FRMPD4: variants seen among roughly 807,000 people sequenced by gnomAD.
The protein encoded by FRMPD4 is FERM and PDZ domain-containing protein 4.
In FRMPD4, 22 loss-of-function variants were observed where a neutral mutation model predicts 94.1. That is an observed-to-expected ratio of 0.23 (90% CI 0.17 to 0.33). The LOEUF (loss-of-function observed/expected upper bound fraction) is 0.33, where lower values mean the gene tolerates loss of function less well. Among genes scored for constraint, FRMPD4 ranks in the 10% least tolerant of loss-of-function variants. The pLI, the probability that FRMPD4 is intolerant of heterozygous loss-of-function variation, is 1.00. For synonymous variants in FRMPD4, 631 were observed against 548.6 expected, an observed-to-expected ratio of 1.15 and a Z score of -2.10; for missense variants, 1,111 against 1,339.9, an observed-to-expected ratio of 0.83 and a Z score of 2.67.
intron 1 of FRMPD4, among the ~76,000 whole-genome samples, chrX:12,490,977 A>G (rs1034642547): frequency 2.7e-5 from 3 of 111,083 alleles, no homozygotes; most frequent in Non-Finnish European, 5.7e-5. Flanking sequence ...GACAAAATGT[A>G]TGCTCCTTTC....
Position 12,553,434 on chromosome X carries a change from C to CTATATATATATA in FRMPD4, c.158+54660_158+54671dup, listed in dbSNP as rs3066486. On this transcript the variant is annotated intron_variant, in intron 2 of 16. Coordinates refer to ENST00000675598, the MANE Select transcript of FRMPD4 (RefSeq NM_001368397.1). The stretch of plus-strand genomic sequence containing the variant: ...AGTTTTGTGAGATCTATCCATATGC[C>CTATATATATATA]TATATATATATATATATATATATAT... Among the ~76,000 whole-genome samples, 74 of 39,621 alleles carry CTATATATATATA rather than the reference C, an allele frequency of 1.9e-3. 2 individuals are homozygous for CTATATATATATA. Among genetic ancestry groups the CTATATATATATA allele is most frequent in the African/African-American group, 5.3e-3 (51 of 9,611 alleles). 34.4% of individuals were successfully genotyped at this position (39,621 alleles called of 115,157 possible). A position where few individuals can be genotyped will look rare whatever the true frequency, so the allele number is the denominator to read the frequency against.
chrX:11,942,228 C>CTTTT (rs560019319), intron 3 of FRMPD4, among the ~76,000 whole-genome samples: 1 of 79,162 alleles, frequency 1.3e-5, no homozygotes, highest in African/African-American at 4.5e-5. Flanking sequence ...TTTTTCTTTC[C>CTTTT]TTTTTTTTTT....
At chrX:12,038,570 T>C (rs1002803937) in intron 3 of FRMPD4, among the ~76,000 whole-genome samples, 11 of 112,028 alleles carry the variant, frequency 9.8e-5, no homozygotes, top group African/African-American at 3.2e-4. Context: ...GTGTGCTTTT[T>C]ATATCTATAT....
intron 1 of FRMPD4, among the ~76,000 whole-genome samples, chrX:12,269,976 C>T (rs758245724): frequency 2.3e-4 from 26 of 111,385 alleles, no homozygotes; most frequent in Non-Finnish European, 4.7e-4. Flanking sequence ...AGAAAGTGGC[C>T]CTAAAAATCA....
chrX:12,258,717 T>C (rs1393525168), intron 1 of FRMPD4, among the ~76,000 whole-genome samples: 1 of 111,775 alleles, frequency 8.9e-6, no homozygotes, highest in African/African-American at 3.3e-5. Flanking sequence ...ATTTTGGGGA[T>C]ACATGTGATA....
intron 1 of FRMPD4, among the ~76,000 whole-genome samples, chrX:12,255,576 C>T (rs1390411072): frequency 1.8e-5 from 2 of 112,098 alleles, no homozygotes; most frequent in African/African-American, 6.5e-5. Flanking sequence ...TCGGGCCTTC[C>T]TTAAAATGAT....
chrX:12,266,124 C>T lies in FRMPD4; in HGVS notation c.41+127112C>T, dbSNP rs1280381354. The stretch of plus-strand genomic sequence containing the variant: ...CTCCAGCCTGGGCGACACAGCGAGA[C>T]TCCGTCTCAAAAAAAAAAAAAAAAA... On this transcript the variant is annotated intron_variant, in intron 1 of 16. Coordinates refer to ENST00000675598, the MANE Select transcript of FRMPD4 (RefSeq NM_001368397.1). Among the ~76,000 whole-genome samples, 6 of 68,108 alleles carry T rather than the reference C, an allele frequency of 8.8e-5. No homozygotes were observed. The Admixed American group carries it at 1.3e-3, about 14-fold the overall frequency. The allele number at this position is 68,108 out of a possible 115,157, so 59.1% of individuals were successfully genotyped here.
At chrX:12,318,502 T>C in intron 1 of FRMPD4, among the ~76,000 whole-genome samples, 1 of 111,773 alleles carries the variant, frequency 8.9e-6, no homozygotes, top group East Asian at 2.8e-4. Context: ...CCAGCCTGGG[T>C]GACAGAGCAA....
chrX:12,705,001 C>G (rs958799129), intron 11 of FRMPD4, among the ~76,000 whole-genome samples: 1 of 111,429 alleles, frequency 9.0e-6, no homozygotes, highest in African/African-American at 3.3e-5. Flanking sequence ...TAGCGGCACC[C>G]CTGGTCTCTA....
chrX:12,356,146 GGCCTCAGAGA>G (rs2055893183), intron 1 of FRMPD4, among the ~76,000 whole-genome samples: 2 of 111,447 alleles, frequency 1.8e-5, no homozygotes, highest in African/African-American at 3.3e-5. Flanking sequence ...GAAAACGAAG[GGCCTCAGAGA>G]AAGCCTGGGT....
rs192026545 is a variant in FRMPD4, at chrX:12,343,150, A to G, written c.42-155530A>G. ...TGGCACTCCACTGGAGAGACAGTCA[A>G]TTGACACCAGGATGGTAGCAGTGAA... On this transcript the variant is annotated intron_variant, in intron 1 of 16. Transcript: ENST00000675598. 6.1e-4 allele frequency among the ~76,000 whole-genome samples: 69 copies of G among 112,197 alleles called. 1 individual carries two copies. Among genetic ancestry groups the G allele is most frequent in the African/African-American group, 2.1e-3 (65 of 30,872 alleles).
At chrX:12,100,507 T>A (rs1043862784) in intron 3 of FRMPD4, among the ~76,000 whole-genome samples, 4 of 110,995 alleles carry the variant, frequency 3.6e-5, no homozygotes, top group African/African-American at 1.3e-4. Context: ...CCTGACCTTT[T>A]ACAGGACAGT....
chrX:11,921,504 A>G (rs1187912736), intron 3 of FRMPD4, among the ~76,000 whole-genome samples: 1 of 112,014 alleles, frequency 8.9e-6, no homozygotes, highest in African/African-American at 3.2e-5. Context: ...GATTCAGTCC[A>G]TAACAGGGGG....
At chrX:12,255,976 C>T (rs1003910744) in intron 1 of FRMPD4, among the ~76,000 whole-genome samples, 1 of 112,261 alleles carries the variant, frequency 8.9e-6, no homozygotes, top group Non-Finnish European at 1.9e-5. Flanking sequence ...AAGCCAAGGG[C>T]AATCTTCTGC....
At chrX:12,280,507 A>C (rs909700872) in intron 1 of FRMPD4, among the ~76,000 whole-genome samples, 3 of 109,942 alleles carry the variant, frequency 2.7e-5, no homozygotes, top group Admixed American at 9.6e-5. Flanking sequence ...CCTGGTAAAC[A>C]CTCATGGCCT....
chrX:12,407,156 C>T (rs1158340717), intron 1 of FRMPD4, among the ~76,000 whole-genome samples: 1 of 111,563 alleles, frequency 9.0e-6, no homozygotes, highest in East Asian at 2.8e-4. Flanking sequence ...GGATCATCTC[C>T]CCATCTCAAG....
intron 2 of FRMPD4, among the ~76,000 whole-genome samples, chrX:12,603,613 G>A (rs778514631): frequency 9.0e-6 from 1 of 111,002 alleles, no homozygotes; most frequent in African/African-American, 3.3e-5. Flanking sequence ...AATATACTCT[G>A]TATTTTTTGG....
chrX:12,060,930 T>C, intron 3 of FRMPD4, among the ~76,000 whole-genome samples: 1 of 112,316 alleles, frequency 8.9e-6, no homozygotes, highest in South Asian at 3.8e-4. Context: ...ACTATGTGCT[T>C]CACTAAATCT....
chrX:12,396,852 T>C (rs906452991), intron 1 of FRMPD4, among the ~76,000 whole-genome samples: 22 of 112,177 alleles, frequency 2.0e-4, no homozygotes, highest in African/African-American at 6.5e-4. Context: ...ACTGATTAGC[T>C]CATTGCAATG....
Sources: gnomAD v4.1 joint callset for allele counts (sites outside exome capture counted in the v4.1 genomes callset) on GRCh38, gnomAD v4.1.1 for gene constraint, MANE v1.5 for transcripts, NCBI Gene and HGNC (gene_info 2026-07-23, HGNC 2026-07-21) for gene names.